Variants in CLTC observed in about 807,000 individuals in gnomAD.
CLTC encodes the protein clathrin heavy chain, also known as clathrin heavy chain 1.
Under a neutral mutation model 195.8 loss-of-function variants are expected in CLTC, and 16 were observed. That is an observed-to-expected ratio of 0.08 (90% CI 0.06 to 0.12). The LOEUF (loss-of-function observed/expected upper bound fraction) is 0.12. Among genes scored for constraint, CLTC ranks in the 10% least tolerant of loss-of-function variants. CLTC has a pLI of 1.00. For synonymous variants in CLTC, 667 were observed against 689.4 expected (o/e 0.97, Z 0.51); for missense variants, 796 against 2,027.0 (o/e 0.39, Z 11.66).
intron 1 of CLTC, among the ~76,000 whole-genome samples, chr17:59,642,050 G>T (rs1598210056): frequency 6.7e-6 from 1 of 148,690 alleles, no homozygotes; most frequent in East Asian, 1.9e-4. Context: ...GAGGCTGAAG[G>T]TCATTGCTAA....
chr17:59,629,708 A>G (rs533855674), intron 1 of CLTC, among the ~76,000 whole-genome samples: 6 of 152,014 alleles, frequency 3.9e-5, no homozygotes, highest in Admixed American at 1.3e-4. Context: ...TTTAGTACAG[A>G]TGGGATTTCA....
chr17:59,672,197 A>AT (rs1269679679), intron 14 of CLTC, among the ~76,000 whole-genome samples: 3 of 152,200 alleles, frequency 2.0e-5, no homozygotes, highest in African/African-American at 7.2e-5. Flanking sequence ...AAATGTTAAC[A>AT]TTTCTACCAT....
chr17:59,653,171 G>A (rs1304420258), intron 5 of CLTC, among the ~76,000 whole-genome samples: 2 of 150,872 alleles, frequency 1.3e-5, no homozygotes, highest in Non-Finnish European at 3.0e-5. Context: ...TTATTTATTT[G>A]TTTATTTATT....
chr17:59,666,128 A>G lies in CLTC; in HGVS notation c.1670A>G (p.Asn557Ser), dbSNP rs2032725613. The change falls in exon 11 of 32, where the codon AAT (asparagine) becomes AGT (serine). Residue 557 changes from asparagine to serine, a missense_variant. Asn to Ser is a conservative substitution (Grantham distance 46). Around this residue, in one of 9 missense-constraint regions of CLTC, gnomAD observed 293 missense variants for 795.6 expected, o/e 0.37. Coordinates refer to ENST00000269122, the MANE Select transcript of CLTC (RefSeq NM_004859.4). The surrounding 1 kb of genome is among the most constrained non-coding windows in gnomAD (Gnocchi z 4.9). ...TQIVDVFMEY[N>S]LIQQCTAFLL... is the part of the protein sequence containing the mutation. ...ATTGTAGATGTCTTTATGGAATACA[A>G]TCTAATTCAGCAGTGTACTGCATTC... is the stretch of plus-strand genomic sequence containing the variant. The G allele has an allele frequency of 2.5e-6, 4 of 1,611,184 alleles. No homozygotes were observed. Among genetic ancestry groups the G allele is most frequent in the African/African-American group, 1.3e-5 (1 of 75,022 alleles).
intron 1 of CLTC, among the ~76,000 whole-genome samples, chr17:59,639,201 AATAC>A (rs1238149360): frequency 1.3e-5 from 2 of 152,188 alleles, no homozygotes; most frequent in Non-Finnish European, 2.9e-5. Flanking sequence ...GGGCGGAGGA[AATAC>A]ATACTTTCAT....
Position 59,682,583 on chromosome 17 carries a change from C to T in CLTC, c.3601-46C>T. ...ATATCAATTTGAAAAGAGGATTAAG[C>T]TCACACTAATATCTTGCTGAATGTG... On this transcript the variant is annotated intron_variant, in intron 22 of 31. Coordinates refer to ENST00000269122, the MANE Select transcript of CLTC (RefSeq NM_004859.4). This position sits in a 1 kb window ranked among gnomAD's most constrained non-coding sequence, Gnocchi z 6.8. 1 of 1,602,096 alleles carries T rather than the reference C, an allele frequency of 6.2e-7. No individual in the cohort carries two copies. The highest frequency in any genetic ancestry group is 1.1e-5 in the South Asian group (1 of 90,196).
chr17:59,637,486 C>T (rs761539751), intron 1 of CLTC, among the ~76,000 whole-genome samples: 116 of 150,352 alleles, frequency 7.7e-4, no homozygotes, highest in Non-Finnish European at 1.1e-3. Flanking sequence ...CCTCATGATC[C>T]GCCCGCCTCG....
chr17:59,635,240 T>C (rs2031829348), intron 1 of CLTC, among the ~76,000 whole-genome samples: 1 of 152,182 alleles, frequency 6.6e-6, no homozygotes, highest in South Asian at 2.1e-4. Flanking sequence ...ACAAGGAGGA[T>C]CTGGAAAATG....
At chr17:59,688,593 AT>A (rs2033233451) in intron 30 of CLTC, among the ~76,000 whole-genome samples, 1 of 152,176 alleles carries the variant, frequency 6.6e-6, no homozygotes, top group African/African-American at 2.4e-5. Context: ...GTCCCATTAT[AT>A]AGAAGAATCA....
intron 1 of CLTC, among the ~76,000 whole-genome samples, chr17:59,628,169 A>G (rs2031606895): frequency 6.6e-6 from 1 of 152,168 alleles, no homozygotes; most frequent in Non-Finnish European, 1.5e-5. Flanking sequence ...TGCTGAAAGA[A>G]TAGGAACCAG....
At chr17:59,625,178 G>A (rs918217775) in intron 1 of CLTC, among the ~76,000 whole-genome samples, 1 of 151,078 alleles carries the variant, frequency 6.6e-6, no homozygotes, top group East Asian at 1.9e-4. Context: ...GGTGGATCTC[G>A]GCTCATTGCA....
chr17:59,687,710 A>G (rs2033214265), intron 30 of CLTC, among the ~76,000 whole-genome samples: 1 of 152,182 alleles, frequency 6.6e-6, no homozygotes, highest in African/African-American at 2.4e-5. Flanking sequence ...GCTAAGCAAC[A>G]TGAATTATTT....
chr17:59,653,393 C>T (rs1160999433), intron 5 of CLTC, among the ~76,000 whole-genome samples: 5 of 151,850 alleles, frequency 3.3e-5, no homozygotes, highest in African/African-American at 9.7e-5. Context: ...TGGGGTTTCA[C>T]GGTGTTAGCC....
chr17:59,626,199 T>C (rs943574226), intron 1 of CLTC, among the ~76,000 whole-genome samples: 1 of 152,146 alleles, frequency 6.6e-6, no homozygotes, highest in African/African-American at 2.4e-5. Context: ...CATTGATGAG[T>C]TGGCAAAGGC....
At position 59,693,896 on chromosome 17, in the gene CLTC, A is replaced by G; in HGVS notation, c.*44A>G. 6.4e-7 allele frequency: 1 copy of G among 1,557,608 alleles called. No individual in the cohort carries two copies. Among genetic ancestry groups the G allele is most frequent in the South Asian group, 1.2e-5 (1 of 84,244 alleles). On this transcript the variant is annotated 3_prime_UTR_variant, in exon 32 of 32. Coordinates refer to ENST00000269122, the MANE Select transcript of CLTC (RefSeq NM_004859.4). ...TAGTCACCTATTTTCGTACTGAAAC[A>G]TCGTCTTTACCCACTTCTCAGTTTA...
At chr17:59,677,382 G>T (rs2032989286) in intron 17 of CLTC, among the ~76,000 whole-genome samples, 194 bp downstream of exon 17, 1 of 152,064 alleles carries the variant, frequency 6.6e-6, no homozygotes, top group Non-Finnish European at 1.5e-5. Flanking sequence ...TATTCTGATT[G>T]ACTTGCTAAT....
Position 59,679,519 on chromosome 17 carries a change from G to A in CLTC, c.2919G>A (p.Gln973=). The stretch of plus-strand genomic sequence containing the variant: ...CTTACAGGAGACCCCTAATTGACCA[G>A]GTAACATTGGCAAATGTGTTTATGG... ...SNPYRRPLID[Q]VVQTALSETQ... is the part of the protein sequence containing the mutation. The change falls in exon 18 of 32, where the codon CAG becomes CAA. Residue 973 remains glutamine (Q), a splice_region_variant and synonymous_variant. Transcript: ENST00000269122. 1.3e-6 allele frequency: 2 copies of A among 1,578,860 alleles called. No individual in the cohort carries two copies. Among genetic ancestry groups the A allele is most frequent in the South Asian group, 1.2e-5 (1 of 84,020 alleles).
chr17:59,695,310 T>G lies in CLTC; in HGVS notation c.*1458T>G. 1 of 187,392 alleles carries G rather than the reference T, an allele frequency of 5.3e-6. No homozygotes were observed. Among genetic ancestry groups the G allele is most frequent in the East Asian group, 8.6e-5 (1 of 11,692 alleles). The allele number at this position is 187,392 out of a possible 1,614,324, so 11.6% of individuals were successfully genotyped here. On this transcript the variant is annotated 3_prime_UTR_variant, in exon 32 of 32. Transcript: ENST00000269122. Reference sequence around the variant, plus strand: ...TTAGTCTTGCACTGCTTTACAACTCTCTTAGGCAAATTACCTAACATAAGC... The same window carrying G: ...TTAGTCTTGCACTGCTTTACAACTCGCTTAGGCAAATTACCTAACATAAGC...
chr17:59,634,237 A>G (rs372056945), intron 1 of CLTC, among the ~76,000 whole-genome samples: 1 of 152,044 alleles, frequency 6.6e-6, no homozygotes, highest in East Asian at 1.9e-4. Context: ...CCCATTTGGT[A>G]GGTTTGGATA....
Sources: gnomAD v4.1 joint callset for allele counts (sites outside exome capture counted in the v4.1 genomes callset) on GRCh38, gnomAD v4.1.1 for gene constraint, gnomAD v4.1.1 regional missense constraint, Gnocchi (gnomAD v3.1) non-coding constraint, MANE v1.5 for transcripts, NCBI Gene and HGNC (gene_info 2026-07-23, HGNC 2026-07-21) for gene names.